The following MSRA variants were observed in gnomAD, a reference collection of about 807,000 sequenced individuals.
The protein encoded by MSRA is mitochondrial peptide methionine sulfoxide reductase.
A neutral mutation model predicts 31.3 loss-of-function variants in MSRA; 54 were observed. That is an observed-to-expected ratio of 1.73 (90% confidence interval 1.39 to 2.17). The LOEUF is 2.17. Among genes scored for constraint, MSRA ranks in the 30% most tolerant of loss-of-function variants. The pLI is 0.00. For synonymous variants in MSRA, 169 were observed against 116.5 expected, an observed-to-expected ratio of 1.45 and a Z score of -2.90; for missense variants, 507 against 300.9, an observed-to-expected ratio of 1.69 and a Z score of -5.07.
chr8:10,200,479 C>G (rs1049090438), intron 1 of MSRA, among the ~76,000 whole-genome samples: 6 of 152,188 alleles, frequency 3.9e-5, no homozygotes, highest in African/African-American at 4.8e-5. Context: ...CTTATTCCCA[C>G]CATGGCCTTC....
chr8:10,244,238 C>T (rs1797493496), intron 2 of MSRA, among the ~76,000 whole-genome samples: 1 of 152,228 alleles, frequency 6.6e-6, no homozygotes, highest in Middle Eastern at 3.4e-3. Flanking sequence ...AGAAGTGGGC[C>T]ATAGAACACC....
At chr8:10,281,574 A>G (rs1306577006) in intron 3 of MSRA, among the ~76,000 whole-genome samples, 1 of 152,268 alleles carries the variant, frequency 6.6e-6, no homozygotes, top group African/African-American at 2.4e-5. Flanking sequence ...CATAGGAGCC[A>G]GTACACCGCA....
chr8:10,054,843 G>C (rs1278458709), intron 1 of MSRA, among the ~76,000 whole-genome samples, 185 bp downstream of exon 1: 1 of 152,188 alleles, frequency 6.6e-6, no homozygotes, highest in Non-Finnish European at 1.5e-5. Flanking sequence ...GTCCACTGAC[G>C]TCCCTTTGTC....
intron 1 of MSRA, among the ~76,000 whole-genome samples, chr8:10,101,241 C>T (rs974488151): frequency 6.6e-6 from 1 of 152,078 alleles, no homozygotes. Flanking sequence ...ATTTCCCTCA[C>T]ACGATTTTGG....
intron 5 of MSRA, among the ~76,000 whole-genome samples, chr8:10,415,465 A>C (rs1387866173): frequency 1.3e-5 from 2 of 152,104 alleles, no homozygotes; most frequent in African/African-American, 4.8e-5. Context: ...CAGTCTCCTG[A>C]AGTGGCCCCT....
rs139460868 is a variant in MSRA, at chr8:10,066,507, C to G, written c.142+11849C>G. Among the ~76,000 whole-genome samples the G allele has an allele frequency of 4.5e-4, 68 of 152,264 alleles. 1 individual carries two copies. The highest frequency in any genetic ancestry group is 2.9e-4 in the Non-Finnish European group (20 of 68,026). ...TTGCTTTTCTTGCTTAATAGTACATCATAATATCTCCAGTTCAGCTGATAT... is the reference window on the plus strand; with the variant it reads ...TTGCTTTTCTTGCTTAATAGTACATGATAATATCTCCAGTTCAGCTGATAT... On this transcript the variant is annotated intron_variant, in intron 1 of 5. Transcript: ENST00000317173.
intron 3 of MSRA, among the ~76,000 whole-genome samples, chr8:10,265,815 C>T (rs1334972052): frequency 6.6e-6 from 1 of 152,222 alleles, no homozygotes; most frequent in East Asian, 1.9e-4. Context: ...TGCTTCCTGT[C>T]ATGACAGGTG....
intron 5 of MSRA, chr8:10,326,554 T>C (rs1396494224): frequency 6.6e-6 from 1 of 152,218 alleles, no homozygotes; most frequent in Non-Finnish European, 1.5e-5. Flanking sequence ...ACCTTGAACA[T>C]GCTGGATTCT....
At chr8:10,284,755 A>T (rs1799844883) in intron 3 of MSRA, among the ~76,000 whole-genome samples, 1 of 152,124 alleles carries the variant, frequency 6.6e-6, no homozygotes, top group Non-Finnish European at 1.5e-5. Flanking sequence ...TGTGCCATGT[A>T]ACCTCTCTGT....
At chr8:10,210,911 T>G (rs935909036) in intron 2 of MSRA, among the ~76,000 whole-genome samples, 1 of 151,496 alleles carries the variant, frequency 6.6e-6, no homozygotes, top group Non-Finnish European at 1.5e-5. Flanking sequence ...TTTTTTTTTA[T>G]TTTTAGTAGA....
intron 3 of MSRA, among the ~76,000 whole-genome samples, chr8:10,258,108 T>C (rs1798279288): frequency 6.6e-6 from 1 of 152,200 alleles, no homozygotes; most frequent in Non-Finnish European, 1.5e-5. Context: ...GGTAGGCTAG[T>C]GTCCCTGTTT....
At chr8:10,375,540 C>G (rs915968557) in intron 5 of MSRA, among the ~76,000 whole-genome samples, 1 of 152,202 alleles carries the variant, frequency 6.6e-6, no homozygotes, top group African/African-American at 2.4e-5. Context: ...TTATCAACAG[C>G]TGATCAATAG....
chr8:10,266,911 A>C (rs974298532), intron 3 of MSRA, among the ~76,000 whole-genome samples: 1 of 152,190 alleles, frequency 6.6e-6, no homozygotes, highest in African/African-American at 2.4e-5. Context: ...ATCACTCAAT[A>C]AACCCCTAAA....
intron 1 of MSRA, among the ~76,000 whole-genome samples, chr8:10,156,762 G>T (rs1423474713): frequency 2.7e-5 from 4 of 150,056 alleles, no homozygotes; most frequent in Non-Finnish European, 5.9e-5. Flanking sequence ...TTCCAGTCAT[G>T]CAGTTGTACT....
At chr8:10,077,949 A>G (rs758616526) in intron 1 of MSRA, among the ~76,000 whole-genome samples, 4 of 152,192 alleles carry the variant, frequency 2.6e-5, no homozygotes, top group Non-Finnish European at 5.9e-5. Context: ...TCACCCTAAT[A>G]TTAGTGAAAA....
intron 1 of MSRA, among the ~76,000 whole-genome samples, chr8:10,203,195 G>A (rs1304092510): frequency 6.6e-6 from 1 of 152,098 alleles, no homozygotes; most frequent in Non-Finnish European, 1.5e-5. Context: ...TCCAATTCAT[G>A]CAGTATTTCT....
chr8:10,295,729 ACTT>A lies in MSRA; in HGVS notation c.332-5804_332-5802del, dbSNP rs539449495. Among the ~76,000 whole-genome samples the A allele has an allele frequency of 5.0e-3, 756 of 152,234 alleles. 4 individuals are homozygous for A. The highest frequency in any genetic ancestry group is 6.7e-3 in the Non-Finnish European group (453 of 67,996). On this transcript the variant is annotated intron_variant, in intron 3 of 5. Coordinates refer to ENST00000317173, the MANE Select transcript of MSRA (RefSeq NM_012331.5). ...CACTTGGCACCCCCTGGAGAGGTGG[ACTT>A]GTACTCTGGATCTGCAGCCCAGGCA...
chr8:10,125,630 G>A (rs1801445847), intron 1 of MSRA, among the ~76,000 whole-genome samples: 1 of 152,204 alleles, frequency 6.6e-6, no homozygotes, highest in African/African-American at 2.4e-5. Context: ...GGGAACCACT[G>A]AGCAGCGCTG....
chr8:10,421,766 G>C (rs377110012), intron 5 of MSRA, among the ~76,000 whole-genome samples: 2 of 152,128 alleles, frequency 1.3e-5, no homozygotes, highest in African/African-American at 4.8e-5. Flanking sequence ...GCTGGAGACC[G>C]AGCTGAGGTG....
Sources: gnomAD v4.1 joint callset for allele counts (sites outside exome capture counted in the v4.1 genomes callset) on GRCh38, gnomAD v4.1.1 for gene constraint, MANE v1.5 for transcripts, NCBI Gene and HGNC (gene_info 2026-07-23, HGNC 2026-07-21) for gene names.